Variants in PMFBP1 observed in about 807,000 individuals in gnomAD.
PMFBP1 encodes polyamine modulated factor 1 binding protein 1.
PMFBP1 carries 131 observed loss-of-function variants against 137.8 expected under a neutral mutation model. The observed-to-expected ratio is 0.95, with a 90% CI of 0.82 to 1.10. The LOEUF is 1.10. PMFBP1 is among the 50% of genes least tolerant of loss of function. PMFBP1 has a pLI of 0.00. For synonymous variants in PMFBP1, 490 were observed against 450.4 expected (o/e 1.09, Z -1.11); for missense variants, 1,199 against 1,175.4 (o/e 1.02, Z -0.29).
upstream of PMFBP1, among the ~76,000 whole-genome samples, chr16:72,178,543 G>C (rs1364358178): frequency 6.6e-6 from 1 of 152,104 alleles, no homozygotes; most frequent in Non-Finnish European, 1.5e-5. Context: ...AGAAAGAGCT[G>C]CTCTTTCTCA....
Position 72,140,522 on chromosome 16 carries a change from G to T in PMFBP1, c.697C>A (p.Gln233Lys). The T allele has an allele frequency of 6.2e-7, 1 of 1,613,118 alleles. No individual in the cohort carries two copies. The highest frequency in any genetic ancestry group is 1.1e-5 in the South Asian group (1 of 91,066). The change falls in exon 6 of 21, where the codon CAA (glutamine) becomes AAA (lysine). Residue 233 changes from glutamine (Q) to lysine (K), a missense_variant. Coordinates refer to ENST00000237353, the MANE Select transcript of PMFBP1 (RefSeq NM_031293.3). The part of the protein sequence containing the change: ...VRIYTSPCMI[Q>K]EHQETQKRLS... Reference sequence around the variant, plus strand: ...CGTTTCTGAGTCTCCTGATGCTCTTGAATCATGCAAGGAGAAGTGTATATC... The same window carrying T: ...CGTTTCTGAGTCTCCTGATGCTCTTTAATCATGCAAGGAGAAGTGTATATC...
chr16:72,144,464 G>A (rs922294576), intron 5 of PMFBP1, among the ~76,000 whole-genome samples: 2 of 152,134 alleles, frequency 1.3e-5, no homozygotes, highest in African/African-American at 2.4e-5. Flanking sequence ...TCCAGAGAAG[G>A]TCCCGTGTAC....
At chr16:72,134,316 G>C (rs928064799) in intron 9 of PMFBP1, among the ~76,000 whole-genome samples, 12 of 152,122 alleles carry the variant, frequency 7.9e-5, no homozygotes, top group African/African-American at 2.9e-4. Flanking sequence ...CTGAGTAGCT[G>C]GGACTGCAGG....
At chr16:72,213,983 G>C in the PMFBP1 span, among the ~76,000 whole-genome samples, 1 of 152,148 alleles carries the variant, frequency 6.6e-6, no homozygotes, top group Non-Finnish European at 1.5e-5. Flanking sequence ...GTGATAGGTG[G>C]AATGAGATAA....
the PMFBP1 span, among the ~76,000 whole-genome samples, chr16:72,184,555 T>C: frequency 6.6e-6 from 1 of 152,236 alleles, no homozygotes; most frequent in South Asian, 2.1e-4. Context: ...ACTGTGGTTA[T>C]TTTTATTGTA....
chr16:72,231,011 G>A, the PMFBP1 span, among the ~76,000 whole-genome samples: 1 of 152,196 alleles, frequency 6.6e-6, no homozygotes, highest in Non-Finnish European at 1.5e-5. Flanking sequence ...CCTGGAGACA[G>A]GTTGACTGCT....
intron 17 of PMFBP1, 131 bp from the exon 18 acceptor site, chr16:72,123,780 G>A: frequency 1.4e-6 from 1 of 727,940 alleles, no homozygotes; most frequent in Non-Finnish European, 2.2e-6. Flanking sequence ...CGAGGCCAGA[G>A]TTGTGGAGTT....
chr16:72,208,631 G>T, the PMFBP1 span, among the ~76,000 whole-genome samples: 5 of 152,262 alleles, frequency 3.3e-5, no homozygotes, highest in Non-Finnish European at 7.3e-5. Context: ...AAAATGTGCT[G>T]TGGATAAAGA....
At chr16:72,117,451 T>C (rs897720647), downstream of PMFBP1, among the ~76,000 whole-genome samples, 2 of 152,168 alleles carry the variant, frequency 1.3e-5, no homozygotes, top group Non-Finnish European at 2.9e-5. Flanking sequence ...ACATATAAGA[T>C]CTGTGAACAG....
the PMFBP1 span, among the ~76,000 whole-genome samples, chr16:72,198,915 T>A: frequency 1.2e-4 from 18 of 151,792 alleles, no homozygotes; most frequent in African/African-American, 4.1e-4. Flanking sequence ...TGAAGGCTGA[T>A]AAATCAGAAC....
chr16:72,205,271 T>C, the PMFBP1 span, among the ~76,000 whole-genome samples: 1 of 152,232 alleles, frequency 6.6e-6, no homozygotes, highest in African/African-American at 2.4e-5. Context: ...GCTGAAGCGT[T>C]GGTGTGGTGC....
At position 72,126,064 on chromosome 16, in the gene PMFBP1, C is replaced by T. The variant is rs2042452046; in HGVS notation, c.2157G>A (p.Lys719=). 3 of 1,614,086 alleles carry T rather than the reference C, an allele frequency of 1.9e-6. No homozygotes were observed. Among genetic ancestry groups the T allele is most frequent in the African/African-American group, 1.3e-5 (1 of 74,932 alleles). ...TGGTGATGGTAGTCTGGAGATAGTGCTTCTCCTTCTGCAGAGCTTTGTCCA... is the reference window on the plus strand; with the variant it reads ...TGGTGATGGTAGTCTGGAGATAGTGTTTCTCCTTCTGCAGAGCTTTGTCCA... ...AQLDKALQKE[K]HYLQTTITKE... The change falls in exon 15 of 21, where the codon AAG becomes AAA. Residue 719 remains lysine (K), a synonymous_variant. Transcript: ENST00000237353.
At chr16:72,165,586 T>C (rs994936153) in intron 2 of PMFBP1, among the ~76,000 whole-genome samples, 1 of 151,964 alleles carries the variant, frequency 6.6e-6, no homozygotes, top group Non-Finnish European at 1.5e-5. Context: ...GCCCGGCTAA[T>C]TTTTTGTATT....
chr16:72,149,561 G>A (rs1298716372), intron 5 of PMFBP1, among the ~76,000 whole-genome samples: 3 of 152,100 alleles, frequency 2.0e-5, no homozygotes, highest in African/African-American at 4.8e-5. Flanking sequence ...GGTGGCTCAC[G>A]CCTGTAATCC....
At chr16:72,240,999 G>A in the PMFBP1 span, among the ~76,000 whole-genome samples, 19 of 151,952 alleles carry the variant, frequency 1.3e-4, no homozygotes, top group African/African-American at 4.4e-4. Context: ...GTTAAGGGGA[G>A]GAGGGACTAC....
the PMFBP1 span, among the ~76,000 whole-genome samples, chr16:72,215,645 G>T: frequency 6.6e-6 from 1 of 152,194 alleles, no homozygotes; most frequent in Non-Finnish European, 1.5e-5. Context: ...AATTATACCA[G>T]AAGAGAAGAG....
At chr16:72,217,839 A>AAAAAC in the PMFBP1 span, among the ~76,000 whole-genome samples, 11,837 of 152,026 alleles carry the variant, frequency 0.078, 1,525 homozygotes, top group African/African-American at 0.27. Context: ...AGTTTGTCTC[A>AAAAAC]AAAACAAAAC....
At chr16:72,240,954 A>C in the PMFBP1 span, among the ~76,000 whole-genome samples, 1 of 151,906 alleles carries the variant, frequency 6.6e-6, no homozygotes. Flanking sequence ...TGCAAGAGAG[A>C]GAGAGAGAGA....
the PMFBP1 span, among the ~76,000 whole-genome samples, chr16:72,217,877 G>T: frequency 2.0e-4 from 31 of 152,078 alleles, no homozygotes; most frequent in Non-Finnish European, 3.7e-4. Flanking sequence ...AAAATCAACA[G>T]AACAATAAGT....
Sources: allele counts gnomAD v4.1 joint callset (sites outside exome capture counted in the v4.1 genomes callset), GRCh38; gene constraint gnomAD v4.1.1; transcripts MANE v1.5; gene names NCBI Gene and HGNC (gene_info 2026-07-23, HGNC 2026-07-21).